The following DENND4C variants were observed in gnomAD, a reference collection of about 807,000 sequenced individuals.
The protein encoded by DENND4C is DENN domain-containing protein 4C.
Under a neutral mutation model 203.0 loss-of-function variants are expected in DENND4C, and 108 were observed. That is an observed-to-expected ratio of 0.53 (90% CI 0.46 to 0.62). The LOEUF (loss-of-function observed/expected upper bound fraction) is 0.62, where lower values mean the gene tolerates loss of function less well. Ranked by LOEUF, DENND4C falls within the 20% of genes least tolerant of loss-of-function variation. The probability of loss-of-function intolerance (pLI) is 0.00; values close to 1 mark genes in which losing one functional copy is unlikely to be tolerated. For missense variants in DENND4C, 2,481 were observed against 2,301.2 expected, an observed-to-expected ratio of 1.08 and a Z score of -1.60; for synonymous variants, 871 against 792.4, an observed-to-expected ratio of 1.10 and a Z score of -1.67.
Position 19,356,788 on chromosome 9 carries a change from T to TGAGAGA in DENND4C, c.4782-160_4782-155dup, listed in dbSNP as rs60635871. On this transcript the variant is annotated intron_variant, in intron 26 of 32. Transcript: ENST00000434457. ...GAGAGCAGGAATGTGTGTGTGTGTG[T>TGAGAGA]GAGAGAGAGAGAGAGAGAGAGAGAG... 5.8e-3 allele frequency among the ~76,000 whole-genome samples: 820 copies of TGAGAGA among 140,398 alleles called. 3 individuals carry two copies. Among genetic ancestry groups the TGAGAGA allele is most frequent in the African/African-American group, 0.018 (649 of 35,580 alleles). 92.1% of individuals were successfully genotyped at this position (140,398 alleles called of 152,430 possible). A position where few individuals can be genotyped will look rare whatever the true frequency, so the allele number is the denominator to read the frequency against.
At chr9:19,283,005 C>T (rs1182741843) in intron 2 of DENND4C, among the ~76,000 whole-genome samples, 1 of 151,902 alleles carries the variant, frequency 6.6e-6, no homozygotes, top group South Asian at 2.1e-4. Context: ...AGGCGTGAGC[C>T]ACCGCCTCTG....
intron 9 of DENND4C, among the ~76,000 whole-genome samples, chr9:19,303,487 G>A (rs1287892914): frequency 2.0e-5 from 3 of 152,082 alleles, no homozygotes; most frequent in Admixed American, 6.6e-5. Flanking sequence ...GAGACAATAT[G>A]GTTCACAAGG....
intron 9 of DENND4C, among the ~76,000 whole-genome samples, chr9:19,302,185 T>C (rs189182204): frequency 6.6e-6 from 1 of 152,326 alleles, no homozygotes; most frequent in African/African-American, 2.4e-5. Context: ...TTGGTAGTTA[T>C]GCCAGTTACC....
rs142191750 is a variant in DENND4C, at chr9:19,332,142, A to C, written c.2418A>C (p.Val806=). 6.2e-3 allele frequency: 10,003 copies of C among 1,614,014 alleles called. 53 individuals are homozygous for C. The highest frequency in any genetic ancestry group is 7.9e-3 in the Non-Finnish European group (9,273 of 1,179,934). Residue 806 remains valine (V), a synonymous_variant, in exon 17 of 33, where the codon GTA becomes GTC. Coordinates refer to ENST00000434457, the MANE Select transcript of DENND4C (RefSeq NM_001330640.2). ...GAGCACTTCAGCAGGCATATGATGTACTTATTAAGATGAGGAAAACAGATG... is the reference window on the plus strand; with the variant it reads ...GAGCACTTCAGCAGGCATATGATGTCCTTATTAAGATGAGGAAAACAGATG... ...KVRALQQAYD[V]LIKMRKTDVD...
chr9:19,364,450 C>G (rs1402947767), intron 30 of DENND4C, among the ~76,000 whole-genome samples: 1 of 152,310 alleles, frequency 6.6e-6, no homozygotes, highest in South Asian at 2.1e-4. Flanking sequence ...ACACAGCTAA[C>G]TGTTTACACA....
At chr9:19,331,453 G>C (rs1485609938) in intron 16 of DENND4C, among the ~76,000 whole-genome samples, 1 of 152,030 alleles carries the variant, frequency 6.6e-6, no homozygotes, top group Admixed American at 6.6e-5. Context: ...CATCTGCCTT[G>C]GCCTCCCAAA....
chr9:19,270,169 A>G (rs1831341369), intron 1 of DENND4C, among the ~76,000 whole-genome samples: 1 of 152,152 alleles, frequency 6.6e-6, no homozygotes, highest in Non-Finnish European at 1.5e-5. Context: ...GAGTGACACA[A>G]GCACCCCTGC....
intron 30 of DENND4C, among the ~76,000 whole-genome samples, chr9:19,365,101 A>G (rs1244594520): frequency 6.6e-6 from 1 of 152,220 alleles, no homozygotes; most frequent in Admixed American, 6.5e-5. Flanking sequence ...CAATGACATC[A>G]TAAGAAAATT....
chr9:19,333,455 G>A (rs2803121), intron 17 of DENND4C, among the ~76,000 whole-genome samples: 67,752 of 151,898 alleles, frequency 0.45, 15,064 homozygotes, highest in Middle Eastern at 0.52. Context: ...ATGTTTAGTA[G>A]CATCCCTGGC....
At position 19,324,450 on chromosome 9, in the gene DENND4C, C is replaced by T. The variant is rs1843385302; in HGVS notation, c.1896C>T (p.Cys632=). 1 of 1,612,454 alleles carries T rather than the reference C, an allele frequency of 6.2e-7. No homozygotes were observed. The change falls in exon 13 of 33, where the codon TGC becomes TGT. Residue 632 remains cysteine, a synonymous_variant. Transcript: ENST00000434457. ...TQIFIRFIEE[C]SFVSDKDTGL... ...TTTTTATTCGTTTCATTGAAGAATG[C>T]AGTTTTGTAAGTGATAAAGATACTG...
chr9:19,299,704 T>G (rs765837151), intron 8 of DENND4C, among the ~76,000 whole-genome samples: 8 of 152,234 alleles, frequency 5.3e-5, no homozygotes, highest in Admixed American at 1.3e-4. Flanking sequence ...GGTACCTTTT[T>G]ACTTATCTTC....
At chr9:19,250,674 G>A (rs750927405) in intron 1 of DENND4C, among the ~76,000 whole-genome samples, 2 of 152,168 alleles carry the variant, frequency 1.3e-5, no homozygotes, top group African/African-American at 2.4e-5. Context: ...ACAGGCATTG[G>A]GTAAATACAG....
In DENND4C at chr9:19,326,161, C is replaced by T; in HGVS notation, c.2087C>T (p.Pro696Leu). 6.2e-7 allele frequency: 1 copy of T among 1,613,266 alleles called. No homozygotes were observed. The highest frequency in any genetic ancestry group is 8.5e-7 in the Non-Finnish European group (1 of 1,179,660). Residue 696 changes from proline to leucine, a missense_variant, in exon 15 of 33, where the codon CCT becomes CTT. Pro to Leu is a moderately conservative substitution (Grantham distance 98). Coordinates refer to ENST00000434457, the MANE Select transcript of DENND4C (RefSeq NM_001330640.2). The part of the protein sequence containing the change: ...TVFIMPPEPP[P>L]DDGKDLSPKY... Reference sequence around the variant, plus strand: ...TTTATAATGCCGCCAGAGCCACCTCCTGATGATGGAAAGGACCTGTCACCA... The same window carrying T: ...TTTATAATGCCGCCAGAGCCACCTCTTGATGATGGAAAGGACCTGTCACCA...
At chr9:19,289,425 A>G (rs1349888727) in intron 4 of DENND4C, among the ~76,000 whole-genome samples, 1 of 152,222 alleles carries the variant, frequency 6.6e-6, no homozygotes, top group Non-Finnish European at 1.5e-5. Context: ...TTCATATCCA[A>G]AAAATCGTGA....
intron 1 of DENND4C, among the ~76,000 whole-genome samples, chr9:19,259,364 G>A (rs983888027): frequency 6.6e-6 from 1 of 152,036 alleles, no homozygotes; most frequent in South Asian, 2.1e-4. Flanking sequence ...CGTGAAGTTT[G>A]TGTTTCTGTG....
chr9:19,245,345 T>C (rs1824896504), intron 1 of DENND4C, among the ~76,000 whole-genome samples: 1 of 151,726 alleles, frequency 6.6e-6, no homozygotes, highest in Non-Finnish European at 1.5e-5. Context: ...GAGGCACCTG[T>C]AGTCCCAGCT....
At chr9:19,293,664 A>G (rs1324852954) in intron 5 of DENND4C, among the ~76,000 whole-genome samples, 1 of 152,220 alleles carries the variant, frequency 6.6e-6, no homozygotes, top group Non-Finnish European at 1.5e-5. Flanking sequence ...TACCAAGGCT[A>G]AACAAAATAC....
At chr9:19,252,255 A>G (rs1826800236) in intron 1 of DENND4C, among the ~76,000 whole-genome samples, 1 of 152,080 alleles carries the variant, frequency 6.6e-6, no homozygotes, top group Admixed American at 6.6e-5. Context: ...AAACCATCAG[A>G]TCTCGTGAGA....
intron 10 of DENND4C, among the ~76,000 whole-genome samples, chr9:19,308,038 C>CTTTT (rs1032487450): frequency 6.6e-6 from 1 of 151,850 alleles, no homozygotes; most frequent in Non-Finnish European, 1.5e-5. Context: ...CTGTGAATTA[C>CTTTT]TTTTTTGCTC....
Sources: allele counts gnomAD v4.1 joint callset (sites outside exome capture counted in the v4.1 genomes callset), GRCh38; gene constraint gnomAD v4.1.1; transcripts MANE v1.5; gene names NCBI Gene and HGNC (gene_info 2026-07-23, HGNC 2026-07-21).